Variants in ELMO1 observed in about 807,000 individuals in gnomAD.
The protein encoded by ELMO1 is engulfment and cell motility protein 1.
A neutral mutation model predicts 98.9 loss-of-function variants in ELMO1; 26 were observed. That is an observed-to-expected ratio of 0.26 (90% CI 0.19 to 0.36). ELMO1 has a LOEUF of 0.36. Ranked by LOEUF, ELMO1 falls within the 10% of genes least tolerant of loss-of-function variation. The pLI, the probability that ELMO1 is intolerant of heterozygous loss-of-function variation, is 1.00. For synonymous variants in ELMO1, 346 were observed against 346.0 expected, an observed-to-expected ratio of 1.00 and a Z score of 0.00; for missense variants, 627 against 935.2, an observed-to-expected ratio of 0.67 and a Z score of 4.30.
rs549016261 is a variant in ELMO1 at position 36,881,699 on chromosome 7, T to G, written c.1715-3582A>C. ...TGAAGGATAAGAGGGAAGAGCTGCT[T>G]TCAGAGTTCACAAGCCTGGTAAGAA... On this transcript the variant is annotated intron_variant, in intron 18 of 21. Transcript: ENST00000310758. 1.2e-4 allele frequency among the ~76,000 whole-genome samples: 19 copies of G among 152,244 alleles called. No individual in the cohort carries two copies. The East Asian group carries it at 1.5e-3, about 12-fold the overall frequency.
chr7:37,245,933 C>T (rs1794983235), intron 6 of ELMO1, among the ~76,000 whole-genome samples: 1 of 152,176 alleles, frequency 6.6e-6, no homozygotes. Flanking sequence ...CTGAATAAAA[C>T]AGGAATGAAT....
At position 37,429,422 on chromosome 7, in the gene ELMO1, G is replaced by A. The variant is rs1804839720; in HGVS notation, c.-74+19253C>T. 4 of 152,380 alleles carry A rather than the reference G, an allele frequency of 2.6e-5. 1 individual carries two copies. The South Asian group carries it at 8.3e-4, about 32-fold the overall frequency. 9.4% of individuals were successfully genotyped at this position (152,380 alleles called of 1,614,324 possible). ...CACAATGAGCAATCCCAAATACGTTGGAGTGATTTGTTTGCAACATCTCTT... is the reference window on the plus strand; with the variant it reads ...CACAATGAGCAATCCCAAATACGTTAGAGTGATTTGTTTGCAACATCTCTT... On this transcript the variant is annotated intron_variant, in intron 1 of 21. Coordinates refer to ENST00000310758, the MANE Select transcript of ELMO1 (RefSeq NM_014800.11).
chr7:37,227,015 CA>C (rs1173938103), intron 8 of ELMO1, among the ~76,000 whole-genome samples: 3 of 152,238 alleles, frequency 2.0e-5, no homozygotes, highest in Admixed American at 1.3e-4. Flanking sequence ...TTGGATATTC[CA>C]AAAAAGCCAA....
At chr7:37,370,115 C>CT (rs1290494980) in intron 1 of ELMO1, among the ~76,000 whole-genome samples, 2 of 152,198 alleles carry the variant, frequency 1.3e-5, no homozygotes, top group African/African-American at 4.8e-5. Flanking sequence ...GCCTCCGCCT[C>CT]TGCTCTCCTG....
intron 16 of ELMO1, among the ~76,000 whole-genome samples, chr7:36,953,854 TGTGTG>T (rs1353409022): frequency 6.6e-5 from 3 of 45,674 alleles, no homozygotes; most frequent in African/African-American, 1.6e-4. Context: ...TGTGTGTGTG[TGTGTG>T]TGTGTGTGTG....
At chr7:36,960,287 G>A (rs958770024) in intron 16 of ELMO1, among the ~76,000 whole-genome samples, 1 of 152,216 alleles carries the variant, frequency 6.6e-6, no homozygotes, top group African/African-American at 2.4e-5. Context: ...GGAAACTTCA[G>A]AGGGCGGAGA....
At chr7:37,104,590 T>C (rs1036945605) in intron 14 of ELMO1, among the ~76,000 whole-genome samples, 1 of 152,242 alleles carries the variant, frequency 6.6e-6, no homozygotes, top group Non-Finnish European at 1.5e-5. Context: ...CCCTGAGCTT[T>C]AATTGGTCAC....
intron 1 of ELMO1, among the ~76,000 whole-genome samples, chr7:37,439,639 T>A (rs1156830482): frequency 6.6e-6 from 1 of 152,222 alleles, no homozygotes; most frequent in Non-Finnish European, 1.5e-5. Context: ...TTATATACAT[T>A]TTAAGGATAA....
At chr7:37,168,781 T>G (rs916574706) in intron 13 of ELMO1, among the ~76,000 whole-genome samples, 29 of 152,166 alleles carry the variant, frequency 1.9e-4, no homozygotes, top group Non-Finnish European at 3.8e-4. Context: ...CTGCTCAGGG[T>G]TCAGGGGTCA....
chr7:37,026,029 T>C (rs1048181130), intron 15 of ELMO1, among the ~76,000 whole-genome samples: 6 of 151,966 alleles, frequency 3.9e-5, no homozygotes, highest in Non-Finnish European at 8.8e-5. Flanking sequence ...TGGTAAACAG[T>C]TCAAGGCAGG....
chr7:37,204,769 T>C (rs565793774), intron 13 of ELMO1, among the ~76,000 whole-genome samples: 4 of 152,220 alleles, frequency 2.6e-5, no homozygotes, highest in Non-Finnish European at 4.4e-5. Flanking sequence ...AGAGCACTGA[T>C]TGGTGCATTT....
At chr7:37,438,510 G>A (rs1187481556) in intron 1 of ELMO1, among the ~76,000 whole-genome samples, 2 of 151,676 alleles carry the variant, frequency 1.3e-5, no homozygotes, top group Non-Finnish European at 2.9e-5. Context: ...TGGGGCAGGA[G>A]AATGGCGTGA....
At chr7:37,317,547 T>C (rs1562608161) in intron 2 of ELMO1, among the ~76,000 whole-genome samples, 1 of 152,220 alleles carries the variant, frequency 6.6e-6, no homozygotes, top group Non-Finnish European at 1.5e-5. Context: ...GAAGCCATTA[T>C]GTTAAGTGAA....
Position 36,902,862 on chromosome 7 carries a change from A to G in ELMO1, c.1438-7845T>C, listed in dbSNP as rs533756813. On this transcript the variant is annotated intron_variant, in intron 16 of 21. Coordinates refer to ENST00000310758, the MANE Select transcript of ELMO1 (RefSeq NM_014800.11). The stretch of plus-strand genomic sequence containing the variant: ...TGCCTCTTGAATATCTGTTCCTTCT[A>G]CTTCATGTCATTCTCATTGACCTCT... 7.9e-5 allele frequency among the ~76,000 whole-genome samples: 12 copies of G among 152,118 alleles called. No homozygotes were observed. The South Asian group carries it at 2.5e-3, about 32-fold the overall frequency.
At chr7:37,377,121 T>C (rs1359449501) in intron 1 of ELMO1, among the ~76,000 whole-genome samples, 3 of 152,230 alleles carry the variant, frequency 2.0e-5, no homozygotes, top group Non-Finnish European at 4.4e-5. Context: ...TGTGATCTCA[T>C]GGCTGACTGC....
intron 15 of ELMO1, among the ~76,000 whole-genome samples, chr7:37,024,404 CTCTTT>C (rs769982265): frequency 2.0e-4 from 31 of 152,192 alleles, no homozygotes; most frequent in Non-Finnish European, 4.3e-4. Flanking sequence ...AACTTTCCAT[CTCTTT>C]TCTTACTTTT....
intron 11 of ELMO1, 28 bp downstream of exon 11, chr7:37,216,617 A>G (rs1200453126): frequency 1.2e-6 from 2 of 1,613,640 alleles, no homozygotes; most frequent in Non-Finnish European, 1.7e-6. Context: ...CCTCCCCCAC[A>G]AAGAGGTCAC....
At chr7:37,161,905 A>AATATATATATATATATATAT (rs6150082) in intron 13 of ELMO1, among the ~76,000 whole-genome samples, 780 of 42,260 alleles carry the variant, frequency 0.018, 124 homozygotes, top group Non-Finnish European at 0.026. Context: ...CAGGTAATCA[A>AATATATATATATATATATAT]ATATATATAT....
chr7:37,139,866 G>A (rs1182160130), intron 13 of ELMO1, among the ~76,000 whole-genome samples: 1 of 152,078 alleles, frequency 6.6e-6, no homozygotes, highest in Non-Finnish European at 1.5e-5. Flanking sequence ...TTTAAAAATA[G>A]GCACATAGAC....
Sources: gnomAD v4.1 joint callset for allele counts (sites outside exome capture counted in the v4.1 genomes callset) on GRCh38, gnomAD v4.1.1 for gene constraint, MANE v1.5 for transcripts, NCBI Gene and HGNC (gene_info 2026-07-23, HGNC 2026-07-21) for gene names.